Variants in PRDM16 observed in about 807,000 individuals in gnomAD.
PRDM16 encodes PR/SET domain 16.
Under a neutral mutation model 110.6 loss-of-function variants are expected in PRDM16, and 23 were observed. The ratio of observed to expected loss-of-function variants is 0.21; its 90% CI spans 0.15 to 0.29. The LOEUF is 0.29. PRDM16 is among the 10% of genes least tolerant of loss of function. PRDM16 has a pLI of 1.00. For synonymous variants in PRDM16, 799 were observed against 781.8 expected (o/e 1.02, Z -0.37); for missense variants, 1,615 against 1,794.3 (o/e 0.90, Z 1.81).
At chr1:3,141,429 A>G (rs1643547825) in intron 1 of PRDM16, among the ~76,000 whole-genome samples, 1 of 152,262 alleles carries the variant, frequency 6.6e-6, no homozygotes. Flanking sequence ...GTCTCCCCGC[A>G]TTAGCAGAAC....
intron 3 of PRDM16, among the ~76,000 whole-genome samples, chr1:3,368,808 C>G (rs1447059457): frequency 2.0e-5 from 3 of 152,142 alleles, no homozygotes; most frequent in Non-Finnish European, 4.4e-5. Flanking sequence ...ATGTGTCCTC[C>G]CATCTTTGTC....
At chr1:3,282,234 C>T (rs1226333853) in intron 3 of PRDM16, among the ~76,000 whole-genome samples, 1 of 152,230 alleles carries the variant, frequency 6.6e-6, no homozygotes, top group Non-Finnish European at 1.5e-5. Flanking sequence ...AGTGTGCAGA[C>T]GTTTCCCCAG....
chr1:3,421,285 T>G (rs569723660), intron 12 of PRDM16, among the ~76,000 whole-genome samples: 1 of 152,126 alleles, frequency 6.6e-6, no homozygotes, highest in Non-Finnish European at 1.5e-5. Flanking sequence ...CCCCCTGACC[T>G]GCCCATACTC....
chr1:3,294,303 A>AC (rs1641039882), intron 3 of PRDM16, among the ~76,000 whole-genome samples: 2 of 151,874 alleles, frequency 1.3e-5, no homozygotes, highest in Non-Finnish European at 2.9e-5. Context: ...GCTGGAGGGC[A>AC]CCCCCGGACT....
chr1:3,415,568 G>T (rs551239646), intron 10 of PRDM16, among the ~76,000 whole-genome samples: 37 of 152,382 alleles, frequency 2.4e-4, no homozygotes, highest in African/African-American at 6.0e-4. Flanking sequence ...CCTCGGGATG[G>T]GCTGGAAAGA....
chr1:3,407,794 C>T (rs918435227), intron 8 of PRDM16, among the ~76,000 whole-genome samples: 13 of 152,242 alleles, frequency 8.5e-5, no homozygotes, highest in Non-Finnish European at 1.5e-4. Flanking sequence ...CCCCATCCCT[C>T]GTGGATGGAG....
chr1:3,256,794 T>C (rs541054406), intron 3 of PRDM16, among the ~76,000 whole-genome samples: 1 of 152,194 alleles, frequency 6.6e-6, no homozygotes, highest in Non-Finnish European at 1.5e-5. Flanking sequence ...GAGGCAGAGC[T>C]TGCAGTGAGC....
At chr1:3,295,924 C>G (rs1341807639) in intron 3 of PRDM16, among the ~76,000 whole-genome samples, 3 of 152,094 alleles carry the variant, frequency 2.0e-5, no homozygotes, top group Non-Finnish European at 4.4e-5. Context: ...CCACAAGAAG[C>G]CCACTGAGAC....
At chr1:3,155,972 C>T (rs551295851) in intron 1 of PRDM16, among the ~76,000 whole-genome samples, 7 of 152,336 alleles carry the variant, frequency 4.6e-5, no homozygotes, top group African/African-American at 1.7e-4. Flanking sequence ...GCCTTTTATT[C>T]ATGCATTTGT....
rs567566281 is a variant in PRDM16 at position 3,264,739 on chromosome 1, G to A, written c.438+20602G>A. ...GAGGGGGCTTGCAGGTCCCATGTGC[G>A]TGAGTCCCTGGGGTGCTGACAGGAG... On this transcript the variant is annotated intron_variant, in intron 3 of 16. Transcript: ENST00000270722. 1.4e-4 allele frequency among the ~76,000 whole-genome samples: 22 copies of A among 152,144 alleles called. No individual in the cohort carries two copies. The South Asian group carries it at 2.9e-3, about 20-fold the overall frequency.
intron 3 of PRDM16, among the ~76,000 whole-genome samples, chr1:3,372,063 T>C (rs757983526): frequency 2.6e-5 from 4 of 152,218 alleles, no homozygotes; most frequent in Admixed American, 6.5e-5. Context: ...TCACTCCCTG[T>C]GTGCAGCCTG....
chr1:3,335,812 C>T (rs112674440), intron 3 of PRDM16, among the ~76,000 whole-genome samples: 1,737 of 152,322 alleles, frequency 0.011, 41 homozygotes, highest in African/African-American at 0.039. Context: ...TCCCCTGGCA[C>T]CCCAGCCACC....
chr1:3,114,633 C>CAT (rs1491112799), intron 1 of PRDM16, among the ~76,000 whole-genome samples: 1 of 151,714 alleles, frequency 6.6e-6, no homozygotes, highest in African/African-American at 2.4e-5. Context: ...TGAACACACA[C>CAT]ATATGTGCAA....
chr1:3,322,152 G>T (rs1641771554), intron 3 of PRDM16, among the ~76,000 whole-genome samples: 1 of 143,816 alleles, frequency 7.0e-6, no homozygotes, highest in African/African-American at 2.9e-5. Context: ...TTGTGTGTGA[G>T]TGCACTGTGT....
chr1:3,118,506 C>T (rs1272936368), intron 1 of PRDM16, among the ~76,000 whole-genome samples: 2 of 152,160 alleles, frequency 1.3e-5, no homozygotes, highest in Non-Finnish European at 2.9e-5. Context: ...TGGCCAGGGG[C>T]CTTCCCCGGC....
At chr1:3,128,967 A>G (rs1050715018) in intron 1 of PRDM16, among the ~76,000 whole-genome samples, 9 of 152,160 alleles carry the variant, frequency 5.9e-5, no homozygotes, top group African/African-American at 2.2e-4. Flanking sequence ...GCGACTGTGC[A>G]GATGAGATGA....
chr1:3,329,393 C>A (rs1196159325), intron 3 of PRDM16, among the ~76,000 whole-genome samples: 1 of 152,110 alleles, frequency 6.6e-6, no homozygotes, highest in Non-Finnish European at 1.5e-5. Context: ...CTGTGTCTCG[C>A]TATCCAGTTT....
At chr1:3,305,792 T>C (rs1393352538) in intron 3 of PRDM16, among the ~76,000 whole-genome samples, 1 of 152,246 alleles carries the variant, frequency 6.6e-6, no homozygotes, top group Non-Finnish European at 1.5e-5. Context: ...CAGCTTCGCC[T>C]ATCAGAACAG....
intron 2 of PRDM16, among the ~76,000 whole-genome samples, chr1:3,217,490 C>T (rs1271711329): frequency 6.6e-6 from 1 of 152,200 alleles, no homozygotes; most frequent in African/African-American, 2.4e-5. Flanking sequence ...GAAAACCGCT[C>T]CTTTCTGCTC....
Sources: gnomAD v4.1 joint callset for allele counts (sites outside exome capture counted in the v4.1 genomes callset) on GRCh38, gnomAD v4.1.1 for gene constraint, MANE v1.5 for transcripts, NCBI Gene and HGNC (gene_info 2026-07-23, HGNC 2026-07-21) for gene names.